Variants in BLVRB observed in about 807,000 individuals in gnomAD.
BLVRB encodes the protein flavin reductase (NADPH).
In BLVRB, 25 loss-of-function variants were observed where a neutral mutation model predicts 21.1. The ratio of observed to expected loss-of-function variants is 1.19; its 90% confidence interval spans 0.86 to 1.66. The LOEUF is 1.66. Among genes scored for constraint, BLVRB ranks in the 40% most tolerant of loss-of-function variants. The pLI is 0.00. For synonymous variants in BLVRB, 128 were observed against 122.2 expected (o/e 1.05, Z -0.31); for missense variants, 274 against 282.7 (o/e 0.97, Z 0.22).
chr19:40,463,294 A>G (rs1353237612), intron 1 of BLVRB, among the ~76,000 whole-genome samples: 2 of 152,210 alleles, frequency 1.3e-5, no homozygotes, highest in South Asian at 2.1e-4. Context: ...TAGTCTAAGT[A>G]CCTCCTATAT....
intron 1 of BLVRB, among the ~76,000 whole-genome samples, chr19:40,463,771 A>ATTT: frequency 6.9e-6 from 1 of 143,910 alleles, no homozygotes; most frequent in Non-Finnish European, 1.5e-5. Context: ...TGCCCAGCTA[A>ATTT]TTTTTTTTTT....
intron 3 of BLVRB, chr19:40,457,838 C>A: frequency 2.7e-6 from 1 of 373,446 alleles, no homozygotes; most frequent in Non-Finnish European, 4.9e-6. Context: ...CCTCTGGGCT[C>A]CCATAGTCCT....
chr19:40,453,181 G>C (rs1366726551), intron 3 of BLVRB, among the ~76,000 whole-genome samples: 1 of 152,190 alleles, frequency 6.6e-6, no homozygotes, highest in East Asian at 1.9e-4. Flanking sequence ...AAAATGCTGC[G>C]ATTACAGGTG....
chr19:40,462,577 C>T (rs2079792601), intron 1 of BLVRB, among the ~76,000 whole-genome samples: 1 of 148,956 alleles, frequency 6.7e-6, no homozygotes, highest in African/African-American at 2.5e-5. Flanking sequence ...GGTGCCTGGC[C>T]TCTTTTTAAG....
At chr19:40,463,342 GTAC>G (rs1286704571) in intron 1 of BLVRB, among the ~76,000 whole-genome samples, 1 of 152,192 alleles carries the variant, frequency 6.6e-6, no homozygotes, top group Non-Finnish European at 1.5e-5. Context: ...CCTAGGGCAA[GTAC>G]TACCAGTTTT....
At chr19:40,454,249 C>G (rs988807438) in intron 3 of BLVRB, among the ~76,000 whole-genome samples, 4 of 151,872 alleles carry the variant, frequency 2.6e-5, no homozygotes, top group African/African-American at 7.2e-5. Context: ...CTGCCTAAGC[C>G]TCCTGAGTAG....
At chr19:40,463,991 A>T (rs1469800070) in intron 1 of BLVRB, among the ~76,000 whole-genome samples, 3 of 151,262 alleles carry the variant, frequency 2.0e-5, no homozygotes, top group Non-Finnish European at 1.5e-5. Context: ...CTGGTCTCGA[A>T]CTCCTGACCT....
intron 4 of BLVRB, chr19:40,450,334 T>G (rs1338170856): frequency 7.4e-6 from 1 of 135,086 alleles, no homozygotes; most frequent in African/African-American, 2.8e-5. Context: ...TGAAACCCCG[T>G]CTGTATTAAA....
At chr19:40,458,357 G>A (rs1197824020) in intron 2 of BLVRB, 24 bp downstream of exon 2, 60 of 1,547,534 alleles carry the variant, frequency 3.9e-5, no homozygotes, top group South Asian at 5.9e-5. Flanking sequence ...GGGGAGGGCC[G>A]TGGGCAGAGG....
intron 3 of BLVRB, among the ~76,000 whole-genome samples, chr19:40,456,881 A>G (rs1338759693): frequency 7.9e-5 from 12 of 152,142 alleles, no homozygotes. Flanking sequence ...ATACCACGCC[A>G]CTGCACTCCA....
At position 40,465,737 on chromosome 19, in the gene BLVRB, G is replaced by T. The variant is rs759656655; in HGVS notation, c.-49C>A. On this transcript the variant is annotated 5_prime_UTR_variant, in exon 1 of 5. Coordinates refer to ENST00000263368, the MANE Select transcript of BLVRB (RefSeq NM_000713.3). ...GGCCTCAGAGTCTCGGCACGCGCGG[G>T]AACCCACTGGCTGCTGGGCGGTGCT... The T allele has an allele frequency of 3.1e-6, 5 of 1,587,824 alleles. No individual in the cohort carries two copies. The highest frequency in any genetic ancestry group is 3.4e-5 in the Admixed American group (2 of 58,710).
chr19:40,462,042 C>T (rs1031969547), intron 1 of BLVRB, among the ~76,000 whole-genome samples: 11 of 152,212 alleles, frequency 7.2e-5, no homozygotes, highest in African/African-American at 2.7e-4. Context: ...CACAAAAGCA[C>T]AGGCATTACT....
chr19:40,461,510 T>C (rs2079787443), intron 1 of BLVRB, among the ~76,000 whole-genome samples: 1 of 151,628 alleles, frequency 6.6e-6, no homozygotes, highest in Admixed American at 6.6e-5. Context: ...TTTTTTTTTT[T>C]TTTTTCTGAG....
chr19:40,455,174 C>T (rs1165258095), intron 3 of BLVRB, among the ~76,000 whole-genome samples: 1 of 152,148 alleles, frequency 6.6e-6, no homozygotes, highest in Non-Finnish European at 1.5e-5. Flanking sequence ...CTAATCCTCT[C>T]AGATGCCTCC....
chr19:40,453,011 C>T (rs534416043), intron 3 of BLVRB, among the ~76,000 whole-genome samples: 4 of 151,946 alleles, frequency 2.6e-5, no homozygotes, highest in East Asian at 3.9e-4. Flanking sequence ...TGCAGTGAGC[C>T]GAGATCGTGC....
In BLVRB at chr19:40,465,569, C is replaced by T. The variant is rs761717396; in HGVS notation, c.79+41G>A. On this transcript the variant is annotated intron_variant, in intron 1 of 4. Coordinates refer to ENST00000263368, the MANE Select transcript of BLVRB (RefSeq NM_000713.3). ...ATGGTGCCCCTTCCTAAAGTTCTGC[C>T]CGTCTGTCCCGTGACATGCCCCGCC... The T allele has an allele frequency of 3.2e-6, 5 of 1,583,300 alleles. No individual in the cohort carries two copies. In the South Asian group the frequency reaches 5.7e-5, roughly 18 times the overall value.
intron 3 of BLVRB, among the ~76,000 whole-genome samples, chr19:40,452,574 A>T (rs1568737167): frequency 1.3e-5 from 2 of 151,990 alleles, no homozygotes; most frequent in East Asian, 1.9e-4. Context: ...AATTTAAAAA[A>T]TTTTTTTAGG....
At chr19:40,464,523 G>C (rs1161120455) in intron 1 of BLVRB, among the ~76,000 whole-genome samples, 1 of 152,184 alleles carries the variant, frequency 6.6e-6, no homozygotes, top group Non-Finnish European at 1.5e-5. Flanking sequence ...TGACCAGCAG[G>C]GTGGGCGAGT....
chr19:40,464,064 G>A (rs2079800059), intron 1 of BLVRB, among the ~76,000 whole-genome samples: 1 of 151,598 alleles, frequency 6.6e-6, no homozygotes, highest in South Asian at 2.1e-4. Flanking sequence ...ACCGCACCCA[G>A]CCTCTTTTTC....
Sources: gnomAD v4.1 joint callset for allele counts (sites outside exome capture counted in the v4.1 genomes callset) on GRCh38, gnomAD v4.1.1 for gene constraint, MANE v1.5 for transcripts, NCBI Gene and HGNC (gene_info 2026-07-23, HGNC 2026-07-21) for gene names.